The following WLS variants were observed in gnomAD, a reference collection of about 807,000 sequenced individuals.
WLS encodes Wnt ligand secretion mediator, also known as protein wntless homolog.
WLS carries 23 observed loss-of-function variants against 62.8 expected under a neutral mutation model. That is an observed-to-expected ratio of 0.37 (90% CI 0.26 to 0.52). The LOEUF is 0.52. Ranked by LOEUF, WLS falls within the 20% of genes least tolerant of loss-of-function variation. The pLI is 0.92. For missense variants in WLS, 615 were observed against 697.3 expected, an observed-to-expected ratio of 0.88 and a Z score of 1.33; for synonymous variants, 246 against 244.1, an observed-to-expected ratio of 1.01 and a Z score of -0.07.
At chr1:68,162,533 C>A (rs1646993342) in intron 2 of WLS, 3 of 1,606,908 alleles carry the variant, frequency 1.9e-6, no homozygotes, top group Non-Finnish European at 2.6e-6. Context: ...CGATCAAAGC[C>A]GATGAGGCCC....
At chr1:68,202,542 A>G (rs1454511418) in intron 1 of WLS, 1 of 152,190 alleles carries the variant, frequency 6.6e-6, no homozygotes, top group East Asian at 1.9e-4. Flanking sequence ...TCAAAACAGC[A>G]AAAATTAAAT....
intron 11 of WLS, among the ~76,000 whole-genome samples, chr1:68,135,528 G>T (rs1646596666): frequency 6.6e-6 from 1 of 152,126 alleles, no homozygotes; most frequent in Middle Eastern, 3.2e-3. Flanking sequence ...AGAGGGTTAA[G>T]TGTTTTGCCA....
At chr1:68,162,253 G>T in intron 2 of WLS, 10 of 1,560,764 alleles carry the variant, frequency 6.4e-6, no homozygotes, top group Non-Finnish European at 7.9e-6. Context: ...TTGTGCTAAG[G>T]CTTTCTCGTC....
chr1:68,098,623 CT>C, exon 12 of WLS: 1 of 1,613,250 alleles, frequency 6.2e-7, no homozygotes, highest in Non-Finnish European at 8.5e-7. Flanking sequence ...CATGTGTTGC[CT>C]TGTTGACTCA....
chr1:68,173,000 T>TG (rs953086900), intron 2 of WLS, among the ~76,000 whole-genome samples: 5 of 152,104 alleles, frequency 3.3e-5, no homozygotes, highest in Non-Finnish European at 5.9e-5. Context: ...CGGACTGGGA[T>TG]GGGGGGCCAG....
chr1:68,193,823 T>G, intron 2 of WLS, 132 bp downstream of exon 2: 1 of 1,192,034 alleles, frequency 8.4e-7, no homozygotes, highest in East Asian at 2.5e-5. Flanking sequence ...ACACAGAAAG[T>G]GCCTGGGAAG....
intron 1 of WLS, among the ~76,000 whole-genome samples, chr1:68,212,344 T>G (rs1649549317): frequency 6.6e-6 from 1 of 152,232 alleles, no homozygotes; most frequent in South Asian, 2.1e-4. Flanking sequence ...TGGGTACTTG[T>G]AAACCTTCTG....
At chr1:68,211,386 AAAC>A (rs1649510612) in intron 1 of WLS, among the ~76,000 whole-genome samples, 1 of 143,958 alleles carries the variant, frequency 6.9e-6, no homozygotes, top group South Asian at 2.3e-4. Context: ...TTTTCTTAAA[AAAC>A]AACAAAATCT....
At chr1:68,183,550 G>A in intron 2 of WLS, 2 of 533,324 alleles carry the variant, frequency 3.8e-6, no homozygotes, top group South Asian at 2.8e-5. Flanking sequence ...CCAAAAATTA[G>A]TTCCCAGAAG....
intron 11 of WLS, among the ~76,000 whole-genome samples, chr1:68,128,690 CTTTA>C (rs1270819863): frequency 6.6e-6 from 1 of 152,192 alleles, no homozygotes; most frequent in Non-Finnish European, 1.5e-5. Context: ...GCCTTGGCTT[CTTTA>C]TTTAAATGGA....
At chr1:68,220,351 C>T (rs767035683) in intron 1 of WLS, among the ~76,000 whole-genome samples, 4 of 152,154 alleles carry the variant, frequency 2.6e-5, no homozygotes, top group Non-Finnish European at 5.9e-5. Context: ...TTATGGGCAA[C>T]CTCTCCTTCA....
At chr1:68,162,741 G>T (rs1570924938) in intron 2 of WLS, 5 of 1,138,796 alleles carry the variant, frequency 4.4e-6, no homozygotes, top group Non-Finnish European at 6.6e-6. Context: ...TTCCGAGCTC[G>T]CTGGCAGCCT....
chr1:68,125,977 T>G lies in WLS; in HGVS notation c.*249A>C. ...ATGTTACTATGTCACTAATTAACAATGATCACAGAAAATGTGTCATACCAG... is the reference window on the plus strand; with the variant it reads ...ATGTTACTATGTCACTAATTAACAAGGATCACAGAAAATGTGTCATACCAG... On this transcript the variant is annotated 3_prime_UTR_variant, in exon 12 of 12. Coordinates refer to ENST00000262348, the MANE Select transcript of WLS (RefSeq NM_024911.7). The G allele has an allele frequency of 8.4e-7, 1 of 1,197,264 alleles. No homozygotes were observed. Among genetic ancestry groups the G allele is most frequent in the Non-Finnish European group, 1.0e-6 (1 of 958,098 alleles). 74.2% of individuals were successfully genotyped at this position (1,197,264 alleles called of 1,614,324 possible). A position where few individuals can be genotyped will look rare whatever the true frequency, so the allele number is the denominator to read the frequency against.
In WLS at chr1:68,126,140, A is replaced by G; in HGVS notation, c.*86T>C. ...TAAGAGCCATGAGGCATTCATTTGT[A>G]CATTGAGCTCTCTCTGGCATGCTCC... On this transcript the variant is annotated 3_prime_UTR_variant, in exon 12 of 12. Transcript: ENST00000262348. 1 of 1,555,176 alleles carries G rather than the reference A, an allele frequency of 6.4e-7. No homozygotes were observed. The highest frequency in any genetic ancestry group is 1.2e-5 in the South Asian group (1 of 81,694).
chr1:68,104,849 G>A (rs1169251906), intron 11 of WLS, among the ~76,000 whole-genome samples: 1 of 152,212 alleles, frequency 6.6e-6, no homozygotes, highest in East Asian at 1.9e-4. Flanking sequence ...GAACCTGGGA[G>A]GCCAAGGATG....
At chr1:68,166,578 A>T (rs1647062935) in intron 2 of WLS, among the ~76,000 whole-genome samples, 1 of 152,234 alleles carries the variant, frequency 6.6e-6, no homozygotes, top group Non-Finnish European at 1.5e-5. Context: ...AGAAGCTAAC[A>T]GCTGAATCAA....
intron 3 of WLS, among the ~76,000 whole-genome samples, chr1:68,155,653 TG>T (rs1289770414): frequency 6.6e-6 from 1 of 152,188 alleles, no homozygotes; most frequent in African/African-American, 2.4e-5. Flanking sequence ...TAAGGCTCTG[TG>T]GAACAGTCAG....
chr1:68,124,497 TTAAGGTCTATC>T (rs1646400710), downstream of WLS, among the ~76,000 whole-genome samples: 3 of 152,266 alleles, frequency 2.0e-5, no homozygotes, highest in South Asian at 2.1e-4. Context: ...TCTTTCTCCT[TTAAGGTCTATC>T]TAAAGTCCTT....
chr1:68,112,209 A>G (rs557281487), intron 11 of WLS, among the ~76,000 whole-genome samples: 1 of 152,266 alleles, frequency 6.6e-6, no homozygotes, highest in Non-Finnish European at 1.5e-5. Context: ...AGGAGTGACA[A>G]CTGTATTTCT....
Sources: allele counts gnomAD v4.1 joint callset (sites outside exome capture counted in the v4.1 genomes callset), GRCh38; gene constraint gnomAD v4.1.1; transcripts MANE v1.5; gene names NCBI Gene and HGNC (gene_info 2026-07-23, HGNC 2026-07-21).